The following TBC1D2B variants were observed in gnomAD, a reference collection of about 807,000 sequenced individuals.
TBC1D2B encodes the protein TBC1 domain family, member 2B.
A neutral mutation model predicts 100.8 loss-of-function variants in TBC1D2B; 64 were observed. The observed-to-expected ratio is 0.64, with a 90% CI of 0.52 to 0.78. The LOEUF (loss-of-function observed/expected upper bound fraction) is 0.78, where lower values mean the gene tolerates loss of function less well. Among genes scored for constraint, TBC1D2B ranks in the 30% least tolerant of loss-of-function variants. The pLI is 0.00. For missense variants in TBC1D2B, 1,052 were observed against 1,218.4 expected (o/e 0.86, Z 2.03); for synonymous variants, 480 against 479.7 (o/e 1.00, Z -0.01).
chr15:78,014,468 A>C (rs2072316248), intron 8 of TBC1D2B, among the ~76,000 whole-genome samples: 1 of 152,258 alleles, frequency 6.6e-6, no homozygotes, highest in Non-Finnish European at 1.5e-5. Context: ...TCACGTGGGC[A>C]CATGGGAATA....
At position 78,001,620 on chromosome 15, in the gene TBC1D2B, T is replaced by C. The variant is rs1292744017; in HGVS notation, c.2695A>G (p.Arg899Gly). 1 of 1,608,916 alleles carries C rather than the reference T, an allele frequency of 6.2e-7. No individual in the cohort carries two copies. The highest frequency in any genetic ancestry group is 8.5e-7 in the Non-Finnish European group (1 of 1,177,662). The part of the protein sequence containing the change: ...RYFTRTILDA[R>G]KLISISFGDL... ...ATCTGAGAACTCCCCAGGACTCACC[T>C]AGCATCAAGGATAGTGCGAGTGAAG... The change falls in exon 12 of 13, where the codon AGG (arginine) becomes GGG (glycine). Residue 899 changes from arginine (R) to glycine (G), a missense_variant and splice_region_variant. Physicochemically the swap from Arg to Gly is moderately radical, Grantham distance 125. Coordinates refer to ENST00000300584, the MANE Select transcript of TBC1D2B (RefSeq NM_144572.2).
rs71447186 is a variant in TBC1D2B at position 78,040,855 on chromosome 15, G to GAAGGAAGGAAGAAAGAAAGA, written c.683+4044_683+4045insTCTTTCTTTCTTCCTTCCTT. 1.6e-3 allele frequency among the ~76,000 whole-genome samples: 119 copies of GAAGGAAGGAAGAAAGAAAGA among 74,738 alleles called. 1 individual carries two copies. Among genetic ancestry groups the GAAGGAAGGAAGAAAGAAAGA allele is most frequent in the Admixed American group, 3.5e-3 (22 of 6,238 alleles). 49.0% of individuals were successfully genotyped at this position (74,738 alleles called of 152,430 possible). ...AGAAAGAAAAAAGAAAGAAAGAAAG[G>GAAGGAAGGAAGAAAGAAAGA]AAGAAAGAAAGAAAGAAAGAAAGAA... On this transcript the variant is annotated intron_variant, in intron 3 of 12. Transcript: ENST00000300584.
intron 4 of TBC1D2B, among the ~76,000 whole-genome samples, chr15:78,029,648 C>T (rs2072759284): frequency 6.6e-6 from 1 of 152,156 alleles, no homozygotes; most frequent in African/African-American, 2.4e-5. Flanking sequence ...CCATAGTTCA[C>T]ATTGTAGAAG....
intron 1 of TBC1D2B, among the ~76,000 whole-genome samples, chr15:78,060,090 T>C (rs1333381631): frequency 1.3e-5 from 2 of 152,194 alleles, no homozygotes; most frequent in Non-Finnish European, 2.9e-5. Flanking sequence ...GGAATGTAGC[T>C]AAAGTAGTCC....
intron 2 of TBC1D2B, among the ~76,000 whole-genome samples, chr15:78,045,474 T>TAA (rs2073176236): frequency 3.3e-5 from 5 of 152,254 alleles, no homozygotes; most frequent in African/African-American, 1.2e-4. Flanking sequence ...GATCAGATTA[T>TAA]ACAAGGGTCC....
intron 1 of TBC1D2B, among the ~76,000 whole-genome samples, chr15:78,069,604 A>G (rs2073714160): frequency 1.3e-5 from 2 of 152,218 alleles, no homozygotes; most frequent in Admixed American, 6.5e-5. Context: ...CCAAGATGAT[A>G]GTACTAAGAG....
At chr15:78,031,291 T>A (rs1341717579) in intron 3 of TBC1D2B, among the ~76,000 whole-genome samples, 3 of 152,130 alleles carry the variant, frequency 2.0e-5, no homozygotes, top group African/African-American at 7.2e-5. Flanking sequence ...CCATGGCTAA[T>A]GCCTGTAATC....
In TBC1D2B at chr15:78,021,378, G is replaced by T. The variant is rs541038631; in HGVS notation, c.1470+2778C>A. On this transcript the variant is annotated intron_variant, in intron 6 of 12. Coordinates refer to ENST00000300584, the MANE Select transcript of TBC1D2B (RefSeq NM_144572.2). ...CATTTAAATTTGGAATCAGAAGTAG[G>T]AATCAATATTTCTTCCTCAACCATA... Among the ~76,000 whole-genome samples, 6 of 152,034 alleles carry T rather than the reference G, an allele frequency of 3.9e-5. No homozygotes were observed. The East Asian group carries it at 9.6e-4, about 24-fold the overall frequency.
At chr15:78,052,579 G>A (rs2073336367) in intron 2 of TBC1D2B, among the ~76,000 whole-genome samples, 1 of 152,210 alleles carries the variant, frequency 6.6e-6, no homozygotes, top group African/African-American at 2.4e-5. Flanking sequence ...GAAGGAGGAA[G>A]GACAGCTGTT....
chr15:78,016,362 C>T (rs959786053), intron 8 of TBC1D2B, among the ~76,000 whole-genome samples, 184 bp downstream of exon 8: 12 of 152,142 alleles, frequency 7.9e-5, no homozygotes, highest in African/African-American at 2.9e-4. Context: ...GGTAAGTCCC[C>T]GCTCTATGAC....
chr15:78,076,611 G>C (rs2073833352), intron 1 of TBC1D2B, among the ~76,000 whole-genome samples: 1 of 152,020 alleles, frequency 6.6e-6, no homozygotes, highest in African/African-American at 2.4e-5. Context: ...AATTAGCCAG[G>C]CGTGGTGGCC....
At chr15:78,036,228 C>T (rs2141737506) in intron 3 of TBC1D2B, among the ~76,000 whole-genome samples, 1 of 152,280 alleles carries the variant, frequency 6.6e-6, no homozygotes, top group Non-Finnish European at 1.5e-5. Flanking sequence ...TACCCCTCAG[C>T]AATGATTGAT....
chr15:78,046,918 A>G (rs7170286), intron 2 of TBC1D2B, among the ~76,000 whole-genome samples: 135,269 of 152,264 alleles, frequency 0.89, 60,799 homozygotes, highest in East Asian at 0.99. Flanking sequence ...CCTGAATGCC[A>G]CATGATGGGC....
At chr15:78,015,289 C>G (rs2072342702) in intron 8 of TBC1D2B, among the ~76,000 whole-genome samples, 1 of 151,994 alleles carries the variant, frequency 6.6e-6, no homozygotes. Flanking sequence ...TAAAATGAAA[C>G]TATATTGGCA....
chr15:78,016,754 G>T lies in TBC1D2B; in HGVS notation c.1582-15C>A. 6.6e-7 allele frequency: 1 copy of T among 1,510,030 alleles called. No individual in the cohort carries two copies. Among genetic ancestry groups the T allele is most frequent in the South Asian group, 1.4e-5 (1 of 73,506 alleles). 93.5% of individuals were successfully genotyped at this position (1,510,030 alleles called of 1,614,324 possible). On this transcript the variant is annotated splice_polypyrimidine_tract_variant and intron_variant, in intron 7 of 12. Coordinates refer to ENST00000300584, the MANE Select transcript of TBC1D2B (RefSeq NM_144572.2). The stretch of plus-strand genomic sequence containing the variant: ...AGGCTAGAATACTGCAGAGAATGTG[G>T]TGGTTACCTCCATTCAGACAGAGAC...
At chr15:78,026,151 GTTT>G (rs34676496) in intron 4 of TBC1D2B, among the ~76,000 whole-genome samples, 4 of 145,594 alleles carry the variant, frequency 2.7e-5, no homozygotes, top group Admixed American at 6.8e-5. Context: ...GGTTTTTGTT[GTTT>G]TTTTTTTTTT....
At chr15:78,026,695 C>T (rs927258528) in intron 4 of TBC1D2B, among the ~76,000 whole-genome samples, 1 of 152,116 alleles carries the variant, frequency 6.6e-6, no homozygotes, top group Non-Finnish European at 1.5e-5. Flanking sequence ...GCAGGTGGAT[C>T]ACCTGAGGTC....
In TBC1D2B at chr15:78,003,506, A is replaced by G. The variant is rs758054085; in HGVS notation, c.2389-16T>C. On this transcript the variant is annotated splice_polypyrimidine_tract_variant and intron_variant, in intron 10 of 12. Transcript: ENST00000300584. ...GCTGGTCCACCTGGAGAGGGAACAA[A>G]GGGGAGAAGTGTATCAGGCCTGCCA... 1.3e-6 allele frequency: 2 copies of G among 1,597,066 alleles called. No individual in the cohort carries two copies. Among genetic ancestry groups the G allele is most frequent in the East Asian group, 4.5e-5 (2 of 44,424 alleles).
At position 78,024,255 on chromosome 15, in the gene TBC1D2B, G is replaced by A; in HGVS notation, c.1371C>T (p.Leu457=). The A allele has an allele frequency of 1.9e-6, 3 of 1,614,002 alleles. No individual in the cohort carries two copies. Among genetic ancestry groups the A allele is most frequent in the Non-Finnish European group, 2.5e-6 (3 of 1,179,888 alleles). ...GAGGCCCGTTGCCCTCGCCCTCGCT[G>A]AGCTTGATGATGACCTCGTCCTTGG... ...IQAKDEVIIK[L]SEGEGNGPPP... is the part of the protein sequence containing the mutation. The change falls in exon 6 of 13, where the codon CTC becomes CTT. Residue 457 remains leucine (L), a synonymous_variant. Transcript: ENST00000300584.
Sources: allele counts gnomAD v4.1 joint callset (sites outside exome capture counted in the v4.1 genomes callset), GRCh38; gene constraint gnomAD v4.1.1; transcripts MANE v1.5; gene names NCBI Gene and HGNC (gene_info 2026-07-23, HGNC 2026-07-21).